POLDIP2: variants seen among roughly 807,000 people sequenced by gnomAD.
POLDIP2 encodes DNA polymerase delta interacting protein 2.
In POLDIP2, 32 loss-of-function variants were observed where a neutral mutation model predicts 52.9. The ratio of observed to expected loss-of-function variants is 0.61; its 90% confidence interval spans 0.46 to 0.81. The LOEUF (loss-of-function observed/expected upper bound fraction) is 0.81, where lower values mean the gene tolerates loss of function less well. Ranked by LOEUF, POLDIP2 falls within the 40% of genes least tolerant of loss-of-function variation. POLDIP2 has a pLI of 0.00. For synonymous variants in POLDIP2, 183 were observed against 183.0 expected (o/e 1.00, Z 0.00); for missense variants, 371 against 477.3 (o/e 0.78, Z 2.07).
chr17:28,351,571 A>G (rs1176362532), intron 7 of POLDIP2, 93 bp downstream of exon 7: 12 of 1,209,738 alleles, frequency 9.9e-6, no homozygotes, highest in Non-Finnish European at 1.2e-5. Flanking sequence ...GACATGGTTT[A>G]TATTTAGACT....
In POLDIP2 at chr17:28,350,486, A is replaced by G; in HGVS notation, c.864T>C (p.Ser288=). The G allele has an allele frequency of 6.2e-7, 1 of 1,613,172 alleles. No individual in the cohort carries two copies. Among genetic ancestry groups the G allele is most frequent in the Non-Finnish European group, 8.5e-7 (1 of 1,179,522 alleles). Residue 288 remains serine (S), a synonymous_variant, in exon 9 of 11, where the codon AGT becomes AGC. Transcript: ENST00000540200. ...GCACTGTCTCCAAGGTGCCAGAGAG[A>G]CTGAATATCCTCCAGTGCCGCTCCC... ...QLRERHWRIF[S]LSGTLETVRG...
intron 1 of POLDIP2, 64 bp downstream of exon 1, chr17:28,357,224 G>C (rs554342428): frequency 1.4e-6 from 2 of 1,459,198 alleles, no homozygotes; most frequent in African/African-American, 3.0e-5. Flanking sequence ...CCTCCGCACT[G>C]GCTAGGAACA....
At chr17:28,348,386 C>T (rs1907667941) in intron 10 of POLDIP2, among the ~76,000 whole-genome samples, 155 bp from the exon 11 acceptor site, 2 of 152,162 alleles carry the variant, frequency 1.3e-5, no homozygotes, top group African/African-American at 4.8e-5. Flanking sequence ...GTCCAGAGAC[C>T]CAAGAGCCCC....
chr17:28,354,435 G>T, intron 3 of POLDIP2, 53 bp downstream of exon 3: 1 of 1,260,540 alleles, frequency 7.9e-7, no homozygotes. Flanking sequence ...AATTACATAT[G>T]TCTGCCATCT....
At position 28,353,732 on chromosome 17, in the gene POLDIP2, T is replaced by C. The variant is rs782601762; in HGVS notation, c.401A>G (p.Tyr134Cys). 1.9e-5 allele frequency: 31 copies of C among 1,613,104 alleles called. No individual in the cohort carries two copies. Among genetic ancestry groups the C allele is most frequent in the African/African-American group, 2.7e-5 (2 of 74,764 alleles). The part of the protein sequence containing the change: ...KEVKGKTHTY[Y>C]QVLIDARDCP... ...GTCACGAGCATCAATCAGCACCTGA[T>C]AGTAAGTGTGAGTTTTGCCTTTCAC... is the stretch of plus-strand genomic sequence containing the variant. Residue 134 changes from tyrosine (Y) to cysteine (C), a missense_variant, in exon 4 of 11, where the codon TAT (tyrosine) becomes TGT (cysteine). Transcript: ENST00000540200.
chr17:28,351,882 C>T (rs1555580040), intron 6 of POLDIP2, 82 bp from the exon 7 acceptor site: 11 of 1,295,124 alleles, frequency 8.5e-6, no homozygotes, highest in South Asian at 6.0e-5. Flanking sequence ...TAGTCCAGTG[C>T]GATTGCCCCT....
chr17:28,353,519 T>TAAAAAAAAAAAAAAAAAAAAAAAAA (rs1907896045), intron 4 of POLDIP2, among the ~76,000 whole-genome samples, 176 bp downstream of exon 4: 1 of 1,794 alleles, frequency 5.6e-4, no homozygotes, highest in Non-Finnish European at 8.9e-4. Flanking sequence ...AGACTCCATA[T>TAAAAAAAAAAAAAAAAAAAAAAAAA]CAAAAAAAAA....
chr17:28,351,388 T>C (rs529457618), intron 7 of POLDIP2, among the ~76,000 whole-genome samples: 18 of 152,192 alleles, frequency 1.2e-4, no homozygotes, highest in Non-Finnish European at 1.8e-4. Flanking sequence ...TAATTATGTG[T>C]ATATTCTTCA....
Position 28,347,946 on chromosome 17 carries a change from A to C in POLDIP2, c.*171T>G. On this transcript the variant is annotated 3_prime_UTR_variant, in exon 11 of 11. Coordinates refer to ENST00000540200, the MANE Select transcript of POLDIP2 (RefSeq NM_015584.5). ...GAGGCCAGCCTTGGAGGTGTCCCACATGGGTCTTCTGAAGAAAAGTTATAC... is the reference window on the plus strand; with the variant it reads ...GAGGCCAGCCTTGGAGGTGTCCCACCTGGGTCTTCTGAAGAAAAGTTATAC... The C allele has an allele frequency of 1.7e-6, 1 of 600,716 alleles. No homozygotes were observed. Among genetic ancestry groups the C allele is most frequent in the Non-Finnish European group, 3.0e-6 (1 of 337,546 alleles). 37.2% of individuals were successfully genotyped at this position (600,716 alleles called of 1,614,324 possible).
rs782311219 is a variant in POLDIP2, at chr17:28,352,237, C to CTTTTTTTTTTTTTTTTT, written c.623-454_623-438dup. Among the ~76,000 whole-genome samples, 19 of 87,652 alleles carry CTTTTTTTTTTTTTTTTT rather than the reference C, an allele frequency of 2.2e-4. 3 individuals carry two copies. The highest frequency in any genetic ancestry group is 2.0e-3 in the East Asian group (4 of 1,960). The allele number at this position is 87,652 out of a possible 152,430, so 57.5% of individuals were successfully genotyped here. On this transcript the variant is annotated intron_variant, in intron 6 of 10. Coordinates refer to ENST00000540200, the MANE Select transcript of POLDIP2 (RefSeq NM_015584.5). ...TGGAAATAGAGCGTTGGAATTATTTCTTTTTTTTTTTTTTTTTTGGAGACG... is the reference window on the plus strand; with the variant it reads ...TGGAAATAGAGCGTTGGAATTATTTCTTTTTTTTTTTTTTTTTTTTTTTTTTTTTTTTTTTGGAGACG...
At chr17:28,354,327 C>T (rs1402717733) in intron 3 of POLDIP2, among the ~76,000 whole-genome samples, 161 bp downstream of exon 3, 1 of 152,196 alleles carries the variant, frequency 6.6e-6, no homozygotes, top group Non-Finnish European at 1.5e-5. Flanking sequence ...CTATCCCTGG[C>T]ACTCAGCACT....
chr17:28,354,457 T>C (rs1555580559), intron 3 of POLDIP2, 31 bp downstream of exon 3: 22 of 1,442,706 alleles, frequency 1.5e-5, no homozygotes, highest in East Asian at 2.5e-5. Context: ...CTCCTGAGGA[T>C]ACTGTGAGGC....
intron 6 of POLDIP2, 110 bp downstream of exon 6, chr17:28,352,802 G>T: frequency 1.5e-6 from 1 of 674,058 alleles, no homozygotes; most frequent in Non-Finnish European, 2.6e-6. Context: ...GCCTCCCAAA[G>T]TGCTGGGATT....
chr17:28,353,669 C>CA (rs1567792993), intron 4 of POLDIP2, 26 bp downstream of exon 4: 1 of 1,524,140 alleles, frequency 6.6e-7, no homozygotes, highest in East Asian at 2.2e-5. Flanking sequence ...AGAGGACCCC[C>CA]AAGCCCAGCC....
At chr17:28,348,313 C>T (rs1399472129) in intron 10 of POLDIP2, 82 bp from the exon 11 acceptor site, 11 of 836,686 alleles carry the variant, frequency 1.3e-5, no homozygotes, top group Non-Finnish European at 2.0e-5. Context: ...CCCTCAGCTG[C>T]CAGCCACAGA....
At chr17:28,354,089 C>CT (rs1234529072) in intron 3 of POLDIP2, among the ~76,000 whole-genome samples, 8 of 152,206 alleles carry the variant, frequency 5.3e-5, no homozygotes, top group African/African-American at 9.7e-5. Flanking sequence ...CCAGAGTACT[C>CT]TTGTCTTCTT....
At chr17:28,352,391 C>A (rs1907834937) in intron 6 of POLDIP2, among the ~76,000 whole-genome samples, 1 of 151,648 alleles carries the variant, frequency 6.6e-6, no homozygotes, top group Admixed American at 6.6e-5. Flanking sequence ...GTGCACGCCA[C>A]CACACCCAGC....
rs782311219 is a variant in POLDIP2 at position 28,352,237 on chromosome 17, C to CTTTTTTTTTTTTTTTTTTTT, written c.623-438_623-437insAAAAAAAAAAAAAAAAAAAA. On this transcript the variant is annotated intron_variant, in intron 6 of 10. Coordinates refer to ENST00000540200, the MANE Select transcript of POLDIP2 (RefSeq NM_015584.5). ...TGGAAATAGAGCGTTGGAATTATTT[C>CTTTTTTTTTTTTTTTTTTTT]TTTTTTTTTTTTTTTTTTGGAGACG... 3.4e-5 allele frequency among the ~76,000 whole-genome samples: 3 copies of CTTTTTTTTTTTTTTTTTTTT among 87,654 alleles called. 1 individual carries two copies. The highest frequency in any genetic ancestry group is 1.5e-4 in the African/African-American group (3 of 20,588). The allele number at this position is 87,654 out of a possible 152,430, so 57.5% of individuals were successfully genotyped here. A position where few individuals can be genotyped will look rare whatever the true frequency, so the allele number is the denominator to read the frequency against.
chr17:28,354,214 A>C (rs75097133), intron 3 of POLDIP2, among the ~76,000 whole-genome samples: 1 of 152,182 alleles, frequency 6.6e-6, no homozygotes, highest in East Asian at 1.9e-4. Flanking sequence ...CAAGAAATCA[A>C]GAAGACTTGT....
Sources: gnomAD v4.1 joint callset for allele counts (sites outside exome capture counted in the v4.1 genomes callset) on GRCh38, gnomAD v4.1.1 for gene constraint, MANE v1.5 for transcripts, NCBI Gene and HGNC (gene_info 2026-07-23, HGNC 2026-07-21) for gene names.